TTN: variants seen among roughly 807,000 people sequenced by gnomAD.
TTN encodes the protein titin.
In TTN, 1,525 loss-of-function variants were observed where a neutral mutation model predicts 3,223.0. The observed-to-expected ratio is 0.47, with a 90% CI of 0.45 to 0.49. TTN has a LOEUF of 0.49. Ranked by LOEUF, TTN falls within the 20% of genes least tolerant of loss-of-function variation. TTN has a pLI of 0.00. For missense variants in TTN, 40,786 were observed against 43,424.0 expected (o/e 0.94, Z 5.40); for synonymous variants, 14,094 against 15,161.0 (o/e 0.93, Z 5.17).
rs1241199669 is a variant in TTN at position 178,738,222 on chromosome 2, T to A, written c.14231A>T (p.Asp4744Val). 1 of 1,613,556 alleles carries A rather than the reference T, an allele frequency of 6.2e-7. No individual in the cohort carries two copies. The highest frequency in any genetic ancestry group is 8.5e-7 in the Non-Finnish European group (1 of 1,179,770). ...CTTTGAAGATCGAATAGAACACTTG[T>A]CACTCTCATAAATTTCTCGGCCAGC... ...FKAGREIYES[D>V]KCSIRSSKYI... The change falls in exon 49 of 363, where the codon GAC (aspartate) becomes GTC (valine). Residue 4744 changes from aspartate to valine, a missense_variant. Physicochemically the swap from Asp to Val is radical, Grantham distance 152. Transcript: ENST00000589042.
Position 178,554,207 on chromosome 2 carries a change from C to T in TTN, c.88904G>A (p.Gly29635Glu), listed in dbSNP as rs1700410853. 2 of 1,592,016 alleles carry T rather than the reference C, an allele frequency of 1.3e-6. No homozygotes were observed. The highest frequency in any genetic ancestry group is 1.7e-6 in the Non-Finnish European group (2 of 1,171,400). Reference protein sequence around the residue: ...VVAKNAFVTPGPPGIPEVTKI... With the variant: ...VVAKNAFVTPEPPGIPEVTKI... ...TGTCACTTCTGGTATGCCTGGTGGC[C>T]CAGGTGTAACTATTTAGAAAGGAAG... Residue 29635 changes from glycine (G) to glutamate (E), a missense_variant, in exon 333 of 363, where the codon GGG becomes GAG. Coordinates refer to ENST00000589042, the MANE Select transcript of TTN (RefSeq NM_001267550.2).
At chr2:178,635,336 C>T (rs750345339) in intron 227 of TTN, 32 bp from the exon 228 acceptor site, 3 of 1,610,568 alleles carry the variant, frequency 1.9e-6, no homozygotes, top group Non-Finnish European at 1.7e-6. Context: ...TAACATAATG[C>T]TTTAGACAAC....
intron 124 of TTN, 74 bp from the exon 125 acceptor site, chr2:178,689,210 C>A: frequency 6.3e-7 from 1 of 1,586,698 alleles, no homozygotes; most frequent in Non-Finnish European, 8.6e-7. Flanking sequence ...AAGAAATACA[C>A]CCACAGTGCA....
chr2:178,618,115 T>C, intron 252 of TTN, 34 bp from the exon 253 acceptor site: 1 of 1,610,794 alleles, frequency 6.2e-7, no homozygotes, highest in Non-Finnish European at 8.5e-7. Flanking sequence ...AAATATGAGT[T>C]TGGGGTAACG....
intron 40 of TTN, 38 bp from the exon 41 acceptor site, chr2:178,766,650 C>A: frequency 6.5e-7 from 1 of 1,535,800 alleles, no homozygotes; most frequent in Non-Finnish European, 9.0e-7. Context: ...ACAACAACAA[C>A]AAAAACTTGA....
At chr2:178,736,917 T>C (rs1050756825) in intron 49 of TTN, among the ~76,000 whole-genome samples, 1 of 152,156 alleles carries the variant, frequency 6.6e-6, no homozygotes, top group Non-Finnish European at 1.5e-5. Flanking sequence ...CTCATCGTTT[T>C]CACATTCAAG....
At position 178,580,981 on chromosome 2, in the gene TTN, C is replaced by G. The variant is rs1238596532; in HGVS notation, c.66770-372G>C. 2.7e-5 allele frequency: 5 copies of G among 183,910 alleles called. No homozygotes were observed. In the South Asian group the frequency reaches 4.5e-4, roughly 17 times the overall value. 11.4% of individuals were successfully genotyped at this position (183,910 alleles called of 1,614,324 possible). The stretch of plus-strand genomic sequence containing the variant: ...AGGTATTCTGCCACATATTCTAGCT[C>G]TCTTTATTATTTCATAGTAGGAAGA... On this transcript the variant is annotated intron_variant, in intron 316 of 362. Transcript: ENST00000589042.
rs373360112 is a variant in TTN, at chr2:178,587,970, C to T, written c.63437G>A (p.Cys21146Tyr). 3.7e-6 allele frequency: 6 copies of T among 1,611,576 alleles called. No homozygotes were observed. Among genetic ancestry groups the T allele is most frequent in the Non-Finnish European group, 3.4e-6 (4 of 1,178,816 alleles). ...DENQEYEFRV[C>Y]AQNQVGIGRP... ...CCCAATACCAACTTGGTTTTGGGCA[C>T]ACACCCTGAACTCATATTCCTGGTT... The change falls in exon 305 of 363, where the codon TGT (cysteine) becomes TAT (tyrosine). Residue 21146 changes from cysteine to tyrosine, a missense_variant. Cys to Tyr is a radical substitution (Grantham distance 194, BLOSUM62 -2). Transcript: ENST00000589042.
At chr2:178,555,233 TCA>T in intron 330 of TTN, 81 bp from the exon 331 acceptor site, 1 of 1,293,512 alleles carries the variant, frequency 7.7e-7, no homozygotes, top group Non-Finnish European at 1.1e-6. Context: ...TAAAGTAAGG[TCA>T]TTGGCCATTA....
Position 178,757,609 on chromosome 2 carries a change from G to A in TTN, c.10611C>T (p.Tyr3537=), listed in dbSNP as rs1450670321. ...VDAYSEHAGQ[Y]SCKAANSAGE... is the part of the protein sequence containing the mutation. ...CAGCACTATTGGCTGCTTTGCAAGAGTACTGCCCAGCATGCTCTGAGTAAG... is the reference window on the plus strand; with the variant it reads ...CAGCACTATTGGCTGCTTTGCAAGAATACTGCCCAGCATGCTCTGAGTAAG... The change falls in exon 45 of 363, where the codon TAC becomes TAT. Residue 3537 remains tyrosine (Y), a synonymous_variant. Transcript: ENST00000589042. 3 of 1,612,164 alleles carry A rather than the reference G, an allele frequency of 1.9e-6. No homozygotes were observed. In the African/African-American group the frequency reaches 4.0e-5, roughly 22 times the overall value.
Position 178,562,652 on chromosome 2 carries a change from A to G in TTN, c.83480T>C (p.Ile27827Thr). The G allele has an allele frequency of 6.3e-7, 1 of 1,599,958 alleles. No homozygotes were observed. ...AGAACATCCTTCTTGTAGATTTTCA[A>G]TTCTGAAAGTAGTTTTAGTGCAATT... ...TNNCTKTTFR[I>T]ENLQEGCSYY... Residue 27827 changes from isoleucine (I) to threonine (T), a missense_variant, in exon 326 of 363, where the codon ATT (isoleucine) becomes ACT (threonine). Ile to Thr is a moderately conservative substitution (Grantham distance 89, BLOSUM62 -1). Transcript: ENST00000589042.
At position 178,611,026 on chromosome 2, in the gene TTN, A is replaced by G; in HGVS notation, c.51103T>C (p.Ser17035Pro). ...TTGACATTGATTGAGGCTGTTGCTG[A>G]GCCGAGCTTATTCTCCAGTGTAATG... ...YTITLENKLG[S>P]ATASINVKVI... The change falls in exon 270 of 363, where the codon TCA becomes CCA. Residue 17035 changes from serine (S) to proline (P), a missense_variant. Physicochemically the swap from Ser to Pro is moderately conservative, Grantham distance 74. Transcript: ENST00000589042. The G allele has an allele frequency of 6.2e-7, 1 of 1,612,606 alleles. No individual in the cohort carries two copies. Among genetic ancestry groups the G allele is most frequent in the East Asian group, 2.2e-5 (1 of 44,730 alleles).
At position 178,598,777 on chromosome 2, in the gene TTN, G is replaced by C. The variant is rs1338637317; in HGVS notation, c.56933C>G (p.Ser18978Ter). 1 of 1,613,358 alleles carries C rather than the reference G, an allele frequency of 6.2e-7. No homozygotes were observed. Among genetic ancestry groups the C allele is most frequent in the Non-Finnish European group, 8.5e-7 (1 of 1,179,522 alleles). The change falls in exon 291 of 363, where the codon TCA (serine) becomes TGA (stop). Residue 18978 changes from serine to a stop codon, truncating the protein, a stop_gained. Coordinates refer to ENST00000589042, the MANE Select transcript of TTN (RefSeq NM_001267550.2). LOFTEE classifies it high-confidence loss of function. ...TGGATCTCTAGCAGTCGCTGGGTCT[G>C]ATGGCAGACTTGCTGGACCCACGCC... ...AAGVGPASLP[S>*]DPATARDPIA...
Position 178,564,524 on chromosome 2 carries a change from G to T in TTN, c.81608C>A (p.Thr27203Lys), listed in dbSNP as rs770336276. Residue 27203 changes from threonine (T) to lysine (K), a missense_variant, in exon 326 of 363, where the codon ACA becomes AAA. Transcript: ENST00000589042. ...ATCTTTCTTTTCTACAATATAACCT[G>T]TTATTTTGCTACCACCATCATAGGC... is the stretch of plus-strand genomic sequence containing the variant. ...KPAYDGGSKI[T>K]GYIVEKKDLP... The T allele has an allele frequency of 5.6e-6, 9 of 1,612,866 alleles. No homozygotes were observed. The South Asian group carries it at 8.8e-5, about 16-fold the overall frequency.
Position 178,591,231 on chromosome 2 carries a change from T to A in TTN, c.60494A>T (p.His20165Leu), listed in dbSNP as rs771554801. The A allele has an allele frequency of 6.2e-7, 1 of 1,613,414 alleles. No individual in the cohort carries two copies. ...NAAGSKTVAV[H>L]LTVLDVPGPP... ...CCCAGGAACATCAAGAACAGTAAGA[T>A]GTACGGCTACTGTTTTGCTACCGGC... The change falls in exon 304 of 363, where the codon CAT becomes CTT. Residue 20165 changes from histidine to leucine, a missense_variant. His to Leu is a moderately conservative substitution (Grantham distance 99, BLOSUM62 -3). Coordinates refer to ENST00000589042, the MANE Select transcript of TTN (RefSeq NM_001267550.2).
chr2:178,720,474 T>C lies in TTN; in HGVS notation c.23288A>G (p.Asn7763Ser). The C allele has an allele frequency of 1.2e-6, 2 of 1,613,732 alleles. No homozygotes were observed. The highest frequency in any genetic ancestry group is 1.7e-6 in the Non-Finnish European group (2 of 1,179,688). ...KHFDTSLHIL[N>S]LEASDVGEYH... ...TTCCCCGACATCGGAGGCTTCAAGA[T>C]TAAGGATATGAAGACTTGTATCAAA... Residue 7763 changes from asparagine to serine, a missense_variant, in exon 80 of 363, where the codon AAT (asparagine) becomes AGT (serine). By Grantham distance (46) the Asn-to-Ser change is conservative. Transcript: ENST00000589042.
At chr2:178,687,181 A>G (rs2154276722) in intron 127 of TTN, among the ~76,000 whole-genome samples, 1 of 152,362 alleles carries the variant, frequency 6.6e-6, no homozygotes, top group East Asian at 1.9e-4. Context: ...ATCTAAATGT[A>G]CTTCAATTCT....
chr2:178,686,372 G>C (rs970165856), intron 127 of TTN, among the ~76,000 whole-genome samples: 13 of 151,284 alleles, frequency 8.6e-5, no homozygotes, highest in African/African-American at 3.2e-4. Flanking sequence ...CACCCGCCTC[G>C]GCCTCCCAAA....
chr2:178,676,665 G>C (rs2068128788), intron 147 of TTN, among the ~76,000 whole-genome samples: 1 of 139,654 alleles, frequency 7.2e-6, no homozygotes, highest in Non-Finnish European at 1.5e-5. Context: ...GTTGGTTAAA[G>C]GACTCGCTGA....
Sources: gnomAD v4.1 joint callset for allele counts (sites outside exome capture counted in the v4.1 genomes callset) on GRCh38, gnomAD v4.1.1 for gene constraint, MANE v1.5 for transcripts, NCBI Gene and HGNC (gene_info 2026-07-23, HGNC 2026-07-21) for gene names.